The following PRKN variants were observed in gnomAD, a reference collection of about 807,000 sequenced individuals.
PRKN encodes the protein E3 ubiquitin-protein ligase parkin.
Under a neutral mutation model 59.5 loss-of-function variants are expected in PRKN, and 56 were observed. The observed-to-expected ratio is 0.94, with a 90% CI of 0.76 to 1.18. The LOEUF (loss-of-function observed/expected upper bound fraction) is 1.18, where lower values mean the gene tolerates loss of function less well. Among genes scored for constraint, PRKN ranks in the 50% most tolerant of loss-of-function variants. PRKN has a pLI of 0.00. For missense variants in PRKN, 657 were observed against 596.4 expected, an observed-to-expected ratio of 1.10 and a Z score of -1.06; for synonymous variants, 250 against 222.1, an observed-to-expected ratio of 1.13 and a Z score of -1.12.
chr6:161,836,357 G>T (rs1792755310), intron 6 of PRKN, among the ~76,000 whole-genome samples: 1 of 152,162 alleles, frequency 6.6e-6, no homozygotes, highest in Non-Finnish European at 1.5e-5. Context: ...TTCCATCCAA[G>T]ATCCCTGGCT....
At chr6:162,025,444 G>A (rs1034638894) in intron 5 of PRKN, among the ~76,000 whole-genome samples, 8 of 151,980 alleles carry the variant, frequency 5.3e-5, no homozygotes, top group African/African-American at 1.9e-4. Context: ...TCCGTGTCAT[G>A]TCTCTCCCTA....
intron 2 of PRKN, among the ~76,000 whole-genome samples, chr6:162,309,618 T>C (rs1267490089): frequency 6.8e-6 from 1 of 146,492 alleles, no homozygotes; most frequent in Non-Finnish European, 1.5e-5. Flanking sequence ...AAAATCTTTC[T>C]ACTTACACTG....
chr6:162,607,299 T>C (rs1003280331), intron 1 of PRKN, among the ~76,000 whole-genome samples: 1 of 152,028 alleles, frequency 6.6e-6, no homozygotes, highest in Non-Finnish European at 1.5e-5. Context: ...GCCAGAAAAG[T>C]AGAAGAGCTT....
At chr6:162,600,515 C>G (rs1220477909) in intron 1 of PRKN, among the ~76,000 whole-genome samples, 2 of 152,180 alleles carry the variant, frequency 1.3e-5, no homozygotes, top group Non-Finnish European at 2.9e-5. Flanking sequence ...AGATCCCATA[C>G]CCCAAAACGC....
intron 2 of PRKN, among the ~76,000 whole-genome samples, chr6:162,313,924 T>C (rs1782640244): frequency 6.6e-6 from 1 of 152,208 alleles, no homozygotes; most frequent in Non-Finnish European, 1.5e-5. Flanking sequence ...CTTACTGCTG[T>C]GTAAATACTA....
intron 4 of PRKN, among the ~76,000 whole-genome samples, chr6:162,085,252 G>A (rs765676633): frequency 6.6e-6 from 1 of 151,250 alleles, no homozygotes; most frequent in Non-Finnish European, 1.5e-5. Context: ...GAAAGATAAG[G>A]AATTACCCCT....
At chr6:162,272,251 T>G (rs1047335950) in intron 2 of PRKN, among the ~76,000 whole-genome samples, 6 of 152,300 alleles carry the variant, frequency 3.9e-5, no homozygotes, top group Admixed American at 6.5e-5. Context: ...GTTCCCTCTT[T>G]CATGAATACA....
At chr6:161,699,870 A>C (rs538546396) in intron 7 of PRKN, among the ~76,000 whole-genome samples, 1 of 152,206 alleles carries the variant, frequency 6.6e-6, no homozygotes, top group Non-Finnish European at 1.5e-5. Context: ...AGTTACTTCA[A>C]CTATTTCCAA....
rs1447621675 is a variant in PRKN at position 161,352,492 on chromosome 6, A to G, written c.1286-2281T>C. On this transcript the variant is annotated intron_variant, in intron 11 of 11. Coordinates refer to ENST00000366898, the MANE Select transcript of PRKN (RefSeq NM_004562.3). This position sits in a 1 kb window ranked among gnomAD's most constrained non-coding sequence, Gnocchi z 5.8. ...ATATTTATGATGTAAATAATATGTT[A>G]TATGGTGTGACATTATAAAACCACT... Among the ~76,000 whole-genome samples, 3 of 151,992 alleles carry G rather than the reference A, an allele frequency of 2.0e-5. No homozygotes were observed. The East Asian group carries it at 5.8e-4, about 29-fold the overall frequency.
At chr6:161,464,332 G>A (rs1217791245) in intron 9 of PRKN, among the ~76,000 whole-genome samples, 2 of 152,118 alleles carry the variant, frequency 1.3e-5, no homozygotes, top group East Asian at 3.9e-4. Context: ...CTCAAGCCAG[G>A]GATTGGATTG....
intron 4 of PRKN, among the ~76,000 whole-genome samples, chr6:162,066,234 T>C (rs573427315): frequency 1.2e-4 from 19 of 152,302 alleles, no homozygotes; most frequent in Non-Finnish European, 1.9e-4. Context: ...CAGCATCTGT[T>C]GTGCCTGGAA....
intron 4 of PRKN, among the ~76,000 whole-genome samples, chr6:162,141,380 A>T (rs575677934): frequency 6.6e-6 from 1 of 152,204 alleles, no homozygotes; most frequent in East Asian, 1.9e-4. Flanking sequence ...CTAATGCTTT[A>T]TTTTTCAATG....
intron 1 of PRKN, among the ~76,000 whole-genome samples, chr6:162,492,325 T>A (rs931283926): frequency 3.3e-5 from 5 of 152,192 alleles, no homozygotes; most frequent in Non-Finnish European, 5.9e-5. Context: ...AGAGTTTGGG[T>A]TGCATGAAGC....
At chr6:162,430,706 A>G (rs1317338818) in intron 2 of PRKN, among the ~76,000 whole-genome samples, 2 of 152,118 alleles carry the variant, frequency 1.3e-5, no homozygotes, top group African/African-American at 2.4e-5. Context: ...GATTATACCA[A>G]GGGGCATGTA....
At chr6:162,606,626 G>C (rs989269452) in intron 1 of PRKN, among the ~76,000 whole-genome samples, 2 of 152,164 alleles carry the variant, frequency 1.3e-5, no homozygotes, top group Admixed American at 1.3e-4. Context: ...CAGATGGGAG[G>C]AAAAACTGAC....
intron 7 of PRKN, among the ~76,000 whole-genome samples, chr6:161,757,833 A>ATCTCTCTCTCTCTCTCTCTCTCTC (rs748787015): frequency 5.3e-5 from 2 of 37,646 alleles, no homozygotes; most frequent in African/African-American, 1.7e-4. Context: ...GCAAAACTCC[A>ATCTCTCTCTCTCTCTCTCTCTCTC]TCTCTCTCTC....
At chr6:161,658,698 A>G (rs1176833945) in intron 7 of PRKN, among the ~76,000 whole-genome samples, 1 of 152,196 alleles carries the variant, frequency 6.6e-6, no homozygotes, top group African/African-American at 2.4e-5. Context: ...TTTCATCCTT[A>G]AGAAGCAGAC....
intron 9 of PRKN, among the ~76,000 whole-genome samples, chr6:161,426,337 G>T (rs1298250292): frequency 6.6e-6 from 1 of 152,106 alleles, no homozygotes; most frequent in Non-Finnish European, 1.5e-5. Flanking sequence ...TGTTGTCAAA[G>T]GAGATTAACA....
intron 6 of PRKN, among the ~76,000 whole-genome samples, chr6:161,923,503 C>A (rs1042234455): frequency 6.6e-6 from 1 of 151,954 alleles, no homozygotes; most frequent in East Asian, 1.9e-4. Flanking sequence ...TTTTTATTTG[C>A]AAAATATTGC....
Sources: gnomAD v4.1 joint callset for allele counts (sites outside exome capture counted in the v4.1 genomes callset) on GRCh38, gnomAD v4.1.1 for gene constraint, Gnocchi (gnomAD v3.1) non-coding constraint, MANE v1.5 for transcripts, NCBI Gene and HGNC (gene_info 2026-07-23, HGNC 2026-07-21) for gene names.